The following USP28 variants were observed in gnomAD, a reference collection of about 807,000 sequenced individuals.
The protein encoded by USP28 is ubiquitin specific peptidase 28.
USP28 carries 113 observed loss-of-function variants against 145.0 expected under a neutral mutation model. The ratio of observed to expected loss-of-function variants is 0.78; its 90% confidence interval spans 0.67 to 0.91. The LOEUF is 0.91. Ranked by LOEUF, USP28 falls within the 40% of genes least tolerant of loss-of-function variation. The pLI is 0.00. For synonymous variants in USP28, 447 were observed against 450.9 expected, an observed-to-expected ratio of 0.99 and a Z score of 0.11; for missense variants, 1,201 against 1,289.6, an observed-to-expected ratio of 0.93 and a Z score of 1.05.
rs1296565976 is a variant in USP28, at chr11:113,864,916, A to C, written c.57+10529T>G. Among the ~76,000 whole-genome samples the C allele has an allele frequency of 2.6e-5, 4 of 152,130 alleles. No homozygotes were observed. In the East Asian group the frequency reaches 7.7e-4, roughly 29 times the overall value. On this transcript the variant is annotated intron_variant, in intron 1 of 24. Transcript: ENST00000003302. ...TGTCACCCAGGCTAGAGTACACCTCAACCTCCACCCTGTAAGCTCAAGCGA... is the reference window on the plus strand; with the variant it reads ...TGTCACCCAGGCTAGAGTACACCTCCACCTCCACCCTGTAAGCTCAAGCGA...
intron 1 of USP28, among the ~76,000 whole-genome samples, chr11:113,858,375 T>C (rs1947299666): frequency 6.6e-6 from 1 of 152,208 alleles, no homozygotes; most frequent in Non-Finnish European, 1.5e-5. Context: ...GCATAGACTG[T>C]TGCTCCTAAA....
At chr11:113,852,664 A>G (rs1291197494) in intron 2 of USP28, 31 bp from the exon 3 acceptor site, 1 of 1,610,198 alleles carries the variant, frequency 6.2e-7, no homozygotes, top group Admixed American at 1.7e-5. Flanking sequence ...AGAAATTTCA[A>G]AAGTAATCAT....
chr11:113,842,414 T>TAA (rs1396204206), intron 3 of USP28, among the ~76,000 whole-genome samples: 2 of 151,742 alleles, frequency 1.3e-5, no homozygotes, highest in African/African-American at 4.8e-5. Context: ...TGAAACCCCG[T>TAA]CTCTACTAAA....
intron 16 of USP28, among the ~76,000 whole-genome samples, chr11:113,810,606 C>T (rs549888089): frequency 8.5e-4 from 130 of 152,346 alleles, no homozygotes; most frequent in Non-Finnish European, 1.2e-3. Context: ...ATTTATCATT[C>T]TCTCCATTCC....
At chr11:113,812,494 C>A in exon 16 of USP28, 5 of 1,613,768 alleles carry the variant, frequency 3.1e-6, no homozygotes, top group Non-Finnish European at 4.2e-6. Context: ...TGCATGCAAG[C>A]GATAAGGCAC....
intron 3 of USP28, among the ~76,000 whole-genome samples, chr11:113,849,807 C>A (rs188234135): frequency 6.6e-6 from 1 of 152,254 alleles, no homozygotes; most frequent in Admixed American, 6.5e-5. Context: ...AGGCCCTGAA[C>A]GCTGCTGGCC....
chr11:113,806,536 C>CTAAA lies in USP28; in HGVS notation c.2352_2353insTTTA (p.Ala785PhefsTer7). 1 of 1,606,544 alleles carries CTAAA rather than the reference C, an allele frequency of 6.2e-7. No homozygotes were observed. Among genetic ancestry groups the CTAAA allele is most frequent in the Non-Finnish European group, 8.5e-7 (1 of 1,176,924 alleles). On this transcript the variant is annotated frameshift_variant, in exon 19 of 25. Coordinates refer to ENST00000003302, the Ensembl canonical transcript of USP28. LOFTEE classifies it high-confidence loss of function. ...CCATCTCGGTCAAAGGTCTGACGGG[C>CTAAA]TTTAGCTATGGCCAGGATGACCCCT... is the stretch of plus-strand genomic sequence containing the variant.
intron 5 of USP28, among the ~76,000 whole-genome samples, chr11:113,837,887 A>G (rs1242868102): frequency 6.6e-6 from 1 of 152,168 alleles, no homozygotes; most frequent in Non-Finnish European, 1.5e-5. Flanking sequence ...TCTGGTGCCA[A>G]CTGGTTCTCC....
chr11:113,820,362 T>C (rs1429842029), intron 12 of USP28: 1 of 152,096 alleles, frequency 6.6e-6, no homozygotes, highest in African/African-American at 2.4e-5. Flanking sequence ...ATGCAGACTG[T>C]GAGCCAAAAG....
exon 16 of USP28, chr11:113,812,438 A>G: frequency 6.2e-7 from 1 of 1,614,136 alleles, no homozygotes; most frequent in South Asian, 1.1e-5. Flanking sequence ...TTATAGATAT[A>G]GGCCCAATAG....
chr11:113,811,807 G>C (rs771992319), intron 16 of USP28, among the ~76,000 whole-genome samples: 27 of 151,926 alleles, frequency 1.8e-4, no homozygotes, highest in Non-Finnish European at 3.7e-4. Flanking sequence ...ACAACAACTA[G>C]AGAATTAGTC....
chr11:113,864,905 G>C (rs77950796), intron 1 of USP28, among the ~76,000 whole-genome samples: 6,644 of 152,130 alleles, frequency 0.044, 186 homozygotes, highest in Non-Finnish European at 0.066. Flanking sequence ...ACCCAGGCTA[G>C]AGTACACCTC....
chr11:113,842,917 G>C (rs923252771), intron 3 of USP28, among the ~76,000 whole-genome samples: 6 of 152,112 alleles, frequency 3.9e-5, no homozygotes, highest in Admixed American at 6.6e-5. Flanking sequence ...TATTCACCAT[G>C]GTTCTGGAAG....
intron 1 of USP28, 86 bp downstream of exon 1, chr11:113,875,359 C>G: frequency 9.2e-7 from 1 of 1,090,782 alleles, no homozygotes; most frequent in Non-Finnish European, 1.1e-6. Flanking sequence ...CTCCGCAGCC[C>G]GCAACCCGCA....
chr11:113,803,936 C>A lies in USP28; in HGVS notation c.2659-59G>T, dbSNP rs1025717676. 1.3e-5 allele frequency: 19 copies of A among 1,461,066 alleles called. No homozygotes were observed. The Admixed American group carries it at 3.4e-4, about 26-fold the overall frequency. The allele number at this position is 1,461,066 out of a possible 1,614,324, so 90.5% of individuals were successfully genotyped here. On this transcript the variant is annotated intron_variant, in intron 21 of 24. Coordinates refer to ENST00000003302, the Ensembl canonical transcript of USP28. ...TCATAATAGATTGTTAGTGTCCTTC[C>A]CATCTAAGTTTTAAATTCATTACAA...
At position 113,853,280 on chromosome 11, in the gene USP28, G is replaced by A. The variant is rs1252525698; in HGVS notation, c.136-647C>T. ...ACTGCACTGCAGGCAAGGCAACTGA[G>A]TGAGATCCTGTCTCCTGTCTCAAAA... On this transcript the variant is annotated intron_variant, in intron 2 of 24. Transcript: ENST00000003302. Among the ~76,000 whole-genome samples the A allele has an allele frequency of 5.5e-5, 7 of 127,170 alleles. No homozygotes were observed. In the South Asian group the frequency reaches 1.1e-3, roughly 21 times the overall value. 83.4% of individuals were successfully genotyped at this position (127,170 alleles called of 152,430 possible).
At chr11:113,865,753 G>A (rs1048506465) in intron 1 of USP28, among the ~76,000 whole-genome samples, 1 of 152,260 alleles carries the variant, frequency 6.6e-6, no homozygotes, top group Middle Eastern at 3.4e-3. Context: ...AGAACACAGA[G>A]ATAAGTCTTC....
At chr11:113,797,993 C>A (rs1031932670) in exon 25 of USP28, 1 of 149,446 alleles carries the variant, frequency 6.7e-6, no homozygotes, top group African/African-American at 2.5e-5. Flanking sequence ...AATCAGAAGC[C>A]TTTTAAAAAT....
chr11:113,846,166 G>C (rs1284485153), intron 3 of USP28, among the ~76,000 whole-genome samples: 1 of 152,088 alleles, frequency 6.6e-6, no homozygotes. Flanking sequence ...GTAGAATGGA[G>C]GACAGAAAAA....
Sources: allele counts gnomAD v4.1 joint callset (sites outside exome capture counted in the v4.1 genomes callset), GRCh38; gene constraint gnomAD v4.1.1; transcripts MANE v1.5; gene names NCBI Gene and HGNC (gene_info 2026-07-23, HGNC 2026-07-21).